ARFGAP1: variants seen among roughly 807,000 people sequenced by gnomAD.
The protein encoded by ARFGAP1 is ADP-ribosylation factor GTPase-activating protein 1.
Under a neutral mutation model 54.0 loss-of-function variants are expected in ARFGAP1, and 26 were observed. The ratio of observed to expected loss-of-function variants is 0.48; its 90% CI spans 0.35 to 0.67. ARFGAP1 has a LOEUF of 0.67. ARFGAP1 is among the 30% of genes least tolerant of loss of function. The pLI is 0.00. For synonymous variants in ARFGAP1, 248 were observed against 211.9 expected (o/e 1.17, Z -1.48); for missense variants, 525 against 535.8 (o/e 0.98, Z 0.20).
rs370669375 is a variant in ARFGAP1, at chr20:63,285,722, C to T, written c.834+9C>T. 49 of 1,612,906 alleles carry T rather than the reference C, an allele frequency of 3.0e-5. No individual in the cohort carries two copies. In the African/African-American group the frequency reaches 6.3e-4, roughly 21 times the overall value. Reference sequence around the variant, plus strand: ...CTCAGTTGGCGTCCAAGGTAGGGAGCCTGCCAGATACGCGGGCACAGTCGA... The same window carrying T: ...CTCAGTTGGCGTCCAAGGTAGGGAGTCTGCCAGATACGCGGGCACAGTCGA... On this transcript the variant is annotated intron_variant, in intron 11 of 12. Transcript: ENST00000370283.
At position 63,288,666 on chromosome 20, in the gene ARFGAP1, G is replaced by A. The variant is rs2067632737; in HGVS notation, c.*793G>A. The A allele has an allele frequency of 5.3e-6, 2 of 377,728 alleles. No individual in the cohort carries two copies. The highest frequency in any genetic ancestry group is 4.2e-5 in the African/African-American group (2 of 47,892). 23.4% of individuals were successfully genotyped at this position (377,728 alleles called of 1,614,324 possible). A position where few individuals can be genotyped will look rare whatever the true frequency, so the allele number is the denominator to read the frequency against. Reference sequence around the variant, plus strand: ...ATAGCGGACGTGGCCAGGCAGGAGGGGCCGGGTTCAGGAGCTGAGCAGGGG... The same window carrying A: ...ATAGCGGACGTGGCCAGGCAGGAGGAGCCGGGTTCAGGAGCTGAGCAGGGG... On this transcript the variant is annotated 3_prime_UTR_variant, in exon 13 of 13. Coordinates refer to ENST00000370283, the MANE Select transcript of ARFGAP1 (RefSeq NM_018209.4).
rs764322999 is a variant in ARFGAP1, at chr20:63,286,020, C to T, written c.834+307C>T. On this transcript the variant is annotated intron_variant, in intron 11 of 12. Transcript: ENST00000370283. ...TGCTGCCATCAGTCCCACTGCTCTGCGGGCCATTTGGGGCGTGCATTTTGT... is the reference window on the plus strand; with the variant it reads ...TGCTGCCATCAGTCCCACTGCTCTGTGGGCCATTTGGGGCGTGCATTTTGT... The T allele has an allele frequency of 2.1e-5, 33 of 1,544,584 alleles. No individual in the cohort carries two copies. The African/African-American group carries it at 3.8e-4, about 18-fold the overall frequency.
At chr20:63,277,589 T>G (rs888194750) in intron 5 of ARFGAP1, among the ~76,000 whole-genome samples, 1 of 152,230 alleles carries the variant, frequency 6.6e-6, no homozygotes, top group Non-Finnish European at 1.5e-5. Flanking sequence ...CATCTCCATC[T>G]GCTCACGGGG....
chr20:63,281,872 T>C (rs1162397546), intron 8 of ARFGAP1, among the ~76,000 whole-genome samples: 1 of 151,918 alleles, frequency 6.6e-6, no homozygotes, highest in Admixed American at 6.5e-5. Flanking sequence ...TGGGCTGTGG[T>C]GTTACAGGAG....
In ARFGAP1 at chr20:63,284,294, C is replaced by T. The variant is rs577164611; in HGVS notation, c.718-572C>T. 128 of 1,087,076 alleles carry T rather than the reference C, an allele frequency of 1.2e-4. 1 individual carries two copies. In the South Asian group the frequency reaches 3.8e-3, roughly 32 times the overall value. The allele number at this position is 1,087,076 out of a possible 1,614,324, so 67.3% of individuals were successfully genotyped here. ...TCTTTGCTCTGTGACGAGTTCTTCC[C>T]TTTCCGGCCTTTGATCCGTGCTGCT... is the stretch of plus-strand genomic sequence containing the variant. On this transcript the variant is annotated intron_variant, in intron 9 of 12. Coordinates refer to ENST00000370283, the MANE Select transcript of ARFGAP1 (RefSeq NM_018209.4).
Position 63,287,890 on chromosome 20 carries a change from G to C in ARFGAP1, c.*17G>C. On this transcript the variant is annotated 3_prime_UTR_variant, in exon 13 of 13. Coordinates refer to ENST00000370283, the MANE Select transcript of ARFGAP1 (RefSeq NM_018209.4). ...AACTGGTAGGGCCCACTGCGCCCCC[G>C]TCCCCAGCGCCCCCGGGCGACTTCG... 6.7e-7 allele frequency: 1 copy of C among 1,495,852 alleles called. No homozygotes were observed. Among genetic ancestry groups the C allele is most frequent in the Non-Finnish European group, 8.9e-7 (1 of 1,121,076 alleles). 92.7% of individuals were successfully genotyped at this position (1,495,852 alleles called of 1,614,324 possible). A position where few individuals can be genotyped will look rare whatever the true frequency, so the allele number is the denominator to read the frequency against.
intron 7 of ARFGAP1, chr20:63,279,199 CTTTTT>C: frequency 1.8e-5 from 10 of 557,442 alleles, no homozygotes; most frequent in African/African-American, 4.0e-5. Flanking sequence ...CAATCACTTC[CTTTTT>C]TTTTTTTTTT....
chr20:63,285,620 G>A lies in ARFGAP1; in HGVS notation c.775-34G>A, dbSNP rs768496855. 9 of 1,606,604 alleles carry A rather than the reference G, an allele frequency of 5.6e-6. No homozygotes were observed. In the African/African-American group the frequency reaches 6.7e-5, roughly 12 times the overall value. On this transcript the variant is annotated intron_variant, in intron 10 of 12. Coordinates refer to ENST00000370283, the MANE Select transcript of ARFGAP1 (RefSeq NM_018209.4). ...GAAGCTTTAAGCTTTCATCTCTCCC[G>A]CCCCCATTAATGCCGCTGTCTTCAT...
chr20:63,275,826 C>CT (rs888539911), intron 2 of ARFGAP1, among the ~76,000 whole-genome samples, 186 bp downstream of exon 2: 6 of 152,218 alleles, frequency 3.9e-5, no homozygotes, highest in Non-Finnish European at 8.8e-5. Context: ...GGTGCCATTT[C>CT]TGGCGCTCAT....
rs2067263052 is a variant in ARFGAP1 at position 63,277,431 on chromosome 20, A to G, written c.443+126A>G. ...GCTCTTTTCCCAGAAGTCAGTGGGA[A>G]AAACAGCTTTTTAAAATTGCCAAAA... On this transcript the variant is annotated intron_variant, in intron 5 of 12. Coordinates refer to ENST00000370283, the MANE Select transcript of ARFGAP1 (RefSeq NM_018209.4). 3 of 823,894 alleles carry G rather than the reference A, an allele frequency of 3.6e-6. No individual in the cohort carries two copies. The South Asian group carries it at 7.3e-5, about 20-fold the overall frequency. 51.0% of individuals were successfully genotyped at this position (823,894 alleles called of 1,614,324 possible). A position where few individuals can be genotyped will look rare whatever the true frequency, so the allele number is the denominator to read the frequency against.
intron 9 of ARFGAP1, chr20:63,283,906 G>A: frequency 6.2e-7 from 1 of 1,612,580 alleles, no homozygotes; most frequent in Non-Finnish European, 8.5e-7. Context: ...GCTCGTGCAT[G>A]CCGCCCGCAT....
At chr20:63,274,596 TGA>T (rs1236311292) in intron 1 of ARFGAP1, among the ~76,000 whole-genome samples, 1 of 151,822 alleles carries the variant, frequency 6.6e-6, no homozygotes, top group East Asian at 1.9e-4. Flanking sequence ...CCATTCATAT[TGA>T]GAGGTGGATG....
rs2067531676 is a variant in ARFGAP1, at chr20:63,286,104, T to C, written c.835-262T>C. The stretch of plus-strand genomic sequence containing the variant: ...ACGGGGAGGGAAGAGCAGGCCTCGC[T>C]CCTCCCCCCCAAGCATGTGGTGGGA... On this transcript the variant is annotated intron_variant, in intron 11 of 12. Coordinates refer to ENST00000370283, the MANE Select transcript of ARFGAP1 (RefSeq NM_018209.4). The C allele has an allele frequency of 3.2e-6, 5 of 1,550,116 alleles. No individual in the cohort carries two copies. In the Admixed American group the frequency reaches 9.8e-5, roughly 30 times the overall value.
At chr20:63,283,650 G>A (rs1269679876) in intron 9 of ARFGAP1, 1 of 538,356 alleles carries the variant, frequency 1.9e-6, no homozygotes, top group African/African-American at 1.9e-5. Flanking sequence ...GGGTCCTGAG[G>A]TGCAGTCGCT....
chr20:63,274,310 G>GGCCCCCCCCCCC (rs1568728097), intron 1 of ARFGAP1: 1 of 4,122 alleles, frequency 2.4e-4, no homozygotes, highest in Admixed American at 6.7e-3. Flanking sequence ...GTGGAGTTGG[G>GGCCCCCCCCCCC]ACCCCCCCCC....
At chr20:63,275,416 C>T (rs535474243) in intron 1 of ARFGAP1, among the ~76,000 whole-genome samples, 161 bp from the exon 2 acceptor site, 159 of 152,264 alleles carry the variant, frequency 1.0e-3, no homozygotes, top group African/African-American at 3.5e-3. Flanking sequence ...GTGGTCCCTG[C>T]GGACCCCTGC....
chr20:63,275,837 C>T (rs1055755483), intron 2 of ARFGAP1, among the ~76,000 whole-genome samples, 197 bp downstream of exon 2: 2 of 152,226 alleles, frequency 1.3e-5, no homozygotes, highest in Admixed American at 6.5e-5. Flanking sequence ...TGGCGCTCAT[C>T]AGTGCTGGCT....
intron 12 of ARFGAP1, chr20:63,286,700 T>C: frequency 2.4e-6 from 1 of 416,346 alleles, no homozygotes; most frequent in East Asian, 5.0e-5. Context: ...CTGTCCTGCC[T>C]GTCTCTGCCC....
chr20:63,288,031 C>T lies in ARFGAP1; in HGVS notation c.*158C>T, dbSNP rs1361848430. On this transcript the variant is annotated 3_prime_UTR_variant, in exon 13 of 13. Transcript: ENST00000370283. Reference sequence around the variant, plus strand: ...ACCCTAGGGAGACCCGGGTGTGCGCCGCCTGCGCGTGGGGAGTCTTCGGTG... The same window carrying T: ...ACCCTAGGGAGACCCGGGTGTGCGCTGCCTGCGCGTGGGGAGTCTTCGGTG... 3 of 896,624 alleles carry T rather than the reference C, an allele frequency of 3.3e-6. No homozygotes were observed. The highest frequency in any genetic ancestry group is 3.5e-4 in the Middle Eastern group (1 of 2,860). The allele number at this position is 896,624 out of a possible 1,614,324, so 55.5% of individuals were successfully genotyped here. A position where few individuals can be genotyped will look rare whatever the true frequency, so the allele number is the denominator to read the frequency against.
Sources: allele counts gnomAD v4.1 joint callset (sites outside exome capture counted in the v4.1 genomes callset), GRCh38; gene constraint gnomAD v4.1.1; transcripts MANE v1.5; gene names NCBI Gene and HGNC (gene_info 2026-07-23, HGNC 2026-07-21).